The following KAZN variants were observed in gnomAD, a reference collection of about 807,000 sequenced individuals.
KAZN encodes the protein kazrin.
A neutral mutation model predicts 87.4 loss-of-function variants in KAZN; 40 were observed. The observed-to-expected ratio is 0.46, with a 90% CI of 0.36 to 0.60. The LOEUF (loss-of-function observed/expected upper bound fraction) is 0.60. KAZN is among the 20% of genes least tolerant of loss of function. The pLI is 0.00. For synonymous variants in KAZN, 466 were observed against 458.3 expected (o/e 1.02, Z -0.22); for missense variants, 898 against 1,073.9 (o/e 0.84, Z 2.29).
At chr1:15,042,084 C>T (rs996162395) in intron 3 of KAZN, among the ~76,000 whole-genome samples, 1 of 152,180 alleles carries the variant, frequency 6.6e-6, no homozygotes, top group African/African-American at 2.4e-5. Context: ...CTTGAAAGCA[C>T]CTACAGGCCT....
chr1:14,103,545 G>C (rs1451560293), intron 1 of KAZN, among the ~76,000 whole-genome samples: 1 of 152,172 alleles, frequency 6.6e-6, no homozygotes, highest in Non-Finnish European at 1.5e-5. Context: ...GCACTGGATA[G>C]AGTCTGTTTT....
chr1:14,099,149 T>C (rs1644193233), intron 1 of KAZN, among the ~76,000 whole-genome samples: 1 of 152,034 alleles, frequency 6.6e-6, no homozygotes, highest in Non-Finnish European at 1.5e-5. Context: ...GTTTGACAAA[T>C]GGAGGGGAAT....
At chr1:14,285,853 C>A (rs1448446619) in intron 2 of KAZN, among the ~76,000 whole-genome samples, 4 of 152,190 alleles carry the variant, frequency 2.6e-5, no homozygotes, top group Non-Finnish European at 5.9e-5. Context: ...GGGAGATCAT[C>A]CAAGAGCTGA....
intron 1 of KAZN, among the ~76,000 whole-genome samples, chr1:14,864,818 C>G (rs1174549284): frequency 6.6e-6 from 1 of 152,094 alleles, no homozygotes; most frequent in African/African-American, 2.4e-5. Flanking sequence ...CTATCACTTC[C>G]CCTCTCAGAC....
chr1:14,647,683 T>C (rs1356530975), intron 1 of KAZN, among the ~76,000 whole-genome samples: 2 of 152,190 alleles, frequency 1.3e-5, no homozygotes, highest in Admixed American at 6.5e-5. Context: ...TTGGCAAATT[T>C]TATGTTTTCA....
chr1:14,225,438 G>A (rs1399269140), intron 2 of KAZN, among the ~76,000 whole-genome samples: 3 of 152,110 alleles, frequency 2.0e-5, no homozygotes, highest in African/African-American at 4.8e-5. Flanking sequence ...TCAATATCAT[G>A]AAAATGGCCA....
intron 1 of KAZN, among the ~76,000 whole-genome samples, chr1:14,134,501 C>G (rs1364824209): frequency 6.6e-6 from 1 of 152,152 alleles, no homozygotes; most frequent in Non-Finnish European, 1.5e-5. Context: ...GATTAAATGA[C>G]CTGCCCAAAC....
intron 1 of KAZN, among the ~76,000 whole-genome samples, chr1:14,826,241 A>C (rs1276967266): frequency 6.6e-6 from 1 of 152,266 alleles, no homozygotes; most frequent in Non-Finnish European, 1.5e-5. Flanking sequence ...AAGGGAAAGA[A>C]GGGAAAATTT....
intron 1 of KAZN, among the ~76,000 whole-genome samples, chr1:14,118,312 T>C (rs374334096): frequency 3.9e-5 from 6 of 152,334 alleles, no homozygotes; most frequent in South Asian, 2.1e-4. Context: ...AGAGGGTTTT[T>C]AAAACAAAAT....
intron 2 of KAZN, among the ~76,000 whole-genome samples, chr1:14,355,634 T>C (rs1377533202): frequency 6.6e-6 from 1 of 152,090 alleles, no homozygotes; most frequent in East Asian, 1.9e-4. Context: ...CCTGCGTCCA[T>C]GTGTTCTCCT....
intron 2 of KAZN, among the ~76,000 whole-genome samples, chr1:14,514,376 A>ATATATTTATATATATATT (rs1671112919): frequency 1.3e-4 from 1 of 7,558 alleles, no homozygotes; most frequent in African/African-American, 6.3e-4. Flanking sequence ...TATATATATA[A>ATATATTTATATATATATT]TATATATATA....
chr1:14,266,829 T>A (rs978991155), intron 2 of KAZN, among the ~76,000 whole-genome samples: 1 of 152,218 alleles, frequency 6.6e-6, no homozygotes, highest in Non-Finnish European at 1.5e-5. Flanking sequence ...TGGGAGAATA[T>A]GCAAATTTCA....
At chr1:14,926,875 T>C (rs190460708) in intron 1 of KAZN, among the ~76,000 whole-genome samples, 23 of 152,272 alleles carry the variant, frequency 1.5e-4, no homozygotes, top group Non-Finnish European at 3.2e-4. Flanking sequence ...AGTCTGTGAA[T>C]TGGCACTTTC....
intron 2 of KAZN, among the ~76,000 whole-genome samples, chr1:14,430,535 C>T (rs1665994492): frequency 6.6e-6 from 1 of 152,166 alleles, no homozygotes; most frequent in Admixed American, 6.5e-5. Flanking sequence ...ACACAGAAGT[C>T]CAGACAACAA....
chr1:14,414,066 C>T (rs931502212), intron 2 of KAZN, among the ~76,000 whole-genome samples: 12 of 152,142 alleles, frequency 7.9e-5, no homozygotes, highest in Non-Finnish European at 1.5e-4. Flanking sequence ...GAGAAATGTC[C>T]AAGGCCCATA....
chr1:14,869,454 A>T (rs1651904661), intron 1 of KAZN, among the ~76,000 whole-genome samples: 2 of 152,104 alleles, frequency 1.3e-5, no homozygotes, highest in African/African-American at 4.8e-5. Flanking sequence ...AGTCATTAGG[A>T]TGTGTGGCTG....
chr1:15,030,028 G>A (rs1671529273), intron 2 of KAZN, among the ~76,000 whole-genome samples: 1 of 152,134 alleles, frequency 6.6e-6, no homozygotes, highest in South Asian at 2.1e-4. Flanking sequence ...CTGAAACTGA[G>A]TCAGGTACCC....
At chr1:13,980,962 C>T (rs79666493) in intron 1 of KAZN, among the ~76,000 whole-genome samples, 2,075 of 151,250 alleles carry the variant, frequency 0.014, 44 homozygotes, top group African/African-American at 0.047. Context: ...GCTCCTAGAA[C>T]GAGTGTTCCA....
At chr1:14,208,918 A>G (rs1646797741) in intron 2 of KAZN, among the ~76,000 whole-genome samples, 1 of 152,228 alleles carries the variant, frequency 6.6e-6, no homozygotes, top group African/African-American at 2.4e-5. Flanking sequence ...AGATTCTAAG[A>G]GGTTCATAGA....
Sources: gnomAD v4.1 joint callset for allele counts (sites outside exome capture counted in the v4.1 genomes callset) on GRCh38, gnomAD v4.1.1 for gene constraint, MANE v1.5 for transcripts, NCBI Gene and HGNC (gene_info 2026-07-23, HGNC 2026-07-21) for gene names.